The following CTSF variants were observed in gnomAD, a reference collection of about 807,000 sequenced individuals.
CTSF encodes cathepsin F.
CTSF carries 65 observed loss-of-function variants against 63.5 expected under a neutral mutation model. That is an observed-to-expected ratio of 1.02 (90% CI 0.84 to 1.26). The LOEUF (loss-of-function observed/expected upper bound fraction) is 1.26, where lower values mean the gene tolerates loss of function less well. CTSF is among the 50% of genes most tolerant of loss of function. The probability of loss-of-function intolerance (pLI) is 0.00; values close to 1 mark genes in which losing one functional copy is unlikely to be tolerated. For synonymous variants in CTSF, 256 were observed against 258.1 expected, an observed-to-expected ratio of 0.99 and a Z score of 0.08; for missense variants, 641 against 631.0, an observed-to-expected ratio of 1.02 and a Z score of -0.17.
At position 66,564,558 on chromosome 11, in the gene CTSF, G is replaced by A. The variant is rs150922871; in HGVS notation, c.1321C>T (p.Arg441Cys). 1,313 of 1,553,022 alleles carry A rather than the reference G, an allele frequency of 8.5e-4. 11 individuals carry two copies. Among genetic ancestry groups the A allele is most frequent in the East Asian group, 3.9e-4 (16 of 41,460 alleles). The change falls in exon 11 of 13, where the codon CGC becomes TGC. Residue 441 changes from arginine (R) to cysteine (C), a missense_variant and splice_region_variant. By Grantham distance (180) the Arg-to-Cys change is radical. Transcript: ENST00000310325. ...HAVLLVGYGN[R>C]SDVPFWAIKN... ...ATGCAGGACAGGCAGCGGAACTCAC[G>A]GTTGCCGTAGCCCACAAGCAACACC... is the stretch of plus-strand genomic sequence containing the variant.
intron 4 of CTSF, 69 bp downstream of exon 4, chr11:66,567,177 C>A (rs746323314): frequency 5.9e-5 from 89 of 1,514,618 alleles, no homozygotes; most frequent in Admixed American, 3.3e-4. Context: ...CTCCCACACA[C>A]CAAGGTGCCA....
At position 66,568,350 on chromosome 11, in the gene CTSF, G is replaced by A; in HGVS notation, c.137C>T (p.Ala46Val). The A allele has an allele frequency of 7.6e-7, 1 of 1,307,492 alleles. No individual in the cohort carries two copies. The highest frequency in any genetic ancestry group is 1.5e-5 in the African/African-American group (1 of 64,598). 81.0% of individuals were successfully genotyped at this position (1,307,492 alleles called of 1,614,324 possible). A position where few individuals can be genotyped will look rare whatever the true frequency, so the allele number is the denominator to read the frequency against. The stretch of plus-strand genomic sequence containing the variant: ...CCGGCCGCGGTTGAACATCTCCAGC[G>A]CGAAGCGGGTGGGCGCCAGCAGCTC... ...SPELLAPTRF[A>V]LEMFNRGRAA... The change falls in exon 1 of 13, where the codon GCG becomes GTG. Residue 46 changes from alanine (A) to valine (V), a missense_variant. Physicochemically the swap from Ala to Val is moderately conservative, Grantham distance 64 (BLOSUM62 0). Coordinates refer to ENST00000310325, the MANE Select transcript of CTSF (RefSeq NM_003793.4).
At chr11:66,568,208 A>G in intron 1 of CTSF, 66 bp downstream of exon 1, 1 of 1,526,050 alleles carries the variant, frequency 6.6e-7, no homozygotes, top group Non-Finnish European at 8.8e-7. Context: ...CCCCATCCCA[A>G]TGTTAGGTCA....
intron 8 of CTSF, 24 bp from the exon 9 acceptor site, chr11:66,565,030 G>C (rs1303676797): frequency 1.3e-6 from 2 of 1,529,186 alleles, no homozygotes; most frequent in East Asian, 2.3e-5. Context: ...GGGGTGAGTA[G>C]AGAAGGGCAG....
chr11:66,564,027 G>T lies in CTSF; in HGVS notation c.1381-20C>A. On this transcript the variant is annotated intron_variant, in intron 12 of 12. Transcript: ENST00000310325. ...GTAACCCTGGGGGAGAGGGGGAGCT[G>T]GTGAGGGCACCAGGGTAGGATGGCG... 1 of 1,613,944 alleles carries T rather than the reference G, an allele frequency of 6.2e-7. No homozygotes were observed. Among genetic ancestry groups the T allele is most frequent in the East Asian group, 2.2e-5 (1 of 44,870 alleles).
Position 66,564,787 on chromosome 11 carries a change from G to A in CTSF, c.1185C>T (p.Ala395=). 1 of 1,614,050 alleles carries A rather than the reference G, an allele frequency of 6.2e-7. No individual in the cohort carries two copies. The highest frequency in any genetic ancestry group is 8.5e-7 in the Non-Finnish European group (1 of 1,180,020). Residue 395 remains alanine, a synonymous_variant, in exon 10 of 13, where the codon GCC becomes GCT. Transcript: ENST00000310325. ...QNEQKLAAWL[A]KRGPISVAIN... ...TGGCCACGGAGATTGGGCCTCTCTTGGCCAGCCAGGCTGCCAGCTCTGAGA... is the reference window on the plus strand; with the variant it reads ...TGGCCACGGAGATTGGGCCTCTCTTAGCCAGCCAGGCTGCCAGCTCTGAGA...
Position 66,564,990 on chromosome 11 carries a change from C to T in CTSF, c.1062G>A (p.Glu354=). The T allele has an allele frequency of 3.2e-6, 5 of 1,573,218 alleles. No homozygotes were observed. The highest frequency in any genetic ancestry group is 4.3e-6 in the Non-Finnish European group (5 of 1,155,788). Residue 354 remains glutamate, a synonymous_variant, in exon 9 of 13, where the codon GAG becomes GAA. Coordinates refer to ENST00000310325, the MANE Select transcript of CTSF (RefSeq NM_003793.4). The part of the protein sequence containing the change: ...AIKNLGGLET[E]DDYSYQGHMQ... ...TGTGACCCTGGTAGCTGTAGTCATC[C>T]TCTGTCTCCAGCCCTCCTGGGGAAC...
At chr11:66,565,615 T>C in intron 8 of CTSF, 56 bp downstream of exon 8, 1 of 1,607,090 alleles carries the variant, frequency 6.2e-7, no homozygotes, top group Non-Finnish European at 8.5e-7. Flanking sequence ...ATGAAGTAAC[T>C]TCTTGTACAG....
At position 66,564,908 on chromosome 11, in the gene CTSF, C is replaced by T; in HGVS notation, c.1144G>A (p.Glu382Lys). Reference protein sequence around the residue: ...KAKVYINDSVELSQNEQKLAA... With the variant: ...KAKVYINDSVKLSQNEQKLAA... ...TCACTCTGCTCGTTCTGGCTCAGCT[C>T]CACGGAGTCATTGATGTAGACCTTG... Residue 382 changes from glutamate (E) to lysine (K), a missense_variant, in exon 9 of 13, where the codon GAG (glutamate) becomes AAG (lysine). Coordinates refer to ENST00000310325, the MANE Select transcript of CTSF (RefSeq NM_003793.4). 6.2e-7 allele frequency: 1 copy of T among 1,611,184 alleles called. No homozygotes were observed. The highest frequency in any genetic ancestry group is 1.3e-5 in the African/African-American group (1 of 74,984).
At chr11:66,564,521 T>C (rs1274747403) in intron 11 of CTSF, 37 bp downstream of exon 11, 1 of 1,496,012 alleles carries the variant, frequency 6.7e-7, no homozygotes, top group Non-Finnish European at 9.0e-7. Context: ...CCCCTGCCTG[T>C]GGCCTGGCTG....
At position 66,565,849 on chromosome 11, in the gene CTSF, G is replaced by C; in HGVS notation, c.946C>G (p.Leu316Val). 6.2e-7 allele frequency: 1 copy of C among 1,614,010 alleles called. No homozygotes were observed. Residue 316 changes from leucine (L) to valine (V), a missense_variant, in exon 7 of 13, where the codon CTC becomes GTC. By Grantham distance (32) the Leu-to-Val change is conservative. Transcript: ENST00000310325. ...TGCTCACCCTGTTCAGAGAGGGAGAGCAGGGTCCCCTGGTTGAGAAACCAC... is the reference window on the plus strand; with the variant it reads ...TGCTCACCCTGTTCAGAGAGGGAGACCAGGGTCCCCTGGTTGAGAAACCAC... ...GQWFLNQGTL[L>V]SLSEQELLDC...
At position 66,565,691 on chromosome 11, in the gene CTSF, T is replaced by C; in HGVS notation, c.1025A>G (p.Tyr342Cys). ...ACMGGLPSNA[Y>C]SAIKNLGGLE... ...CATACCCAAATTCTTTATGGCCGAG[T>C]AGGCATTGGAGGGCAAGCCGCCCAT... Residue 342 changes from tyrosine to cysteine, a missense_variant, in exon 8 of 13, where the codon TAC (tyrosine) becomes TGC (cysteine). Transcript: ENST00000310325. 2 of 1,613,544 alleles carry C rather than the reference T, an allele frequency of 1.2e-6. No individual in the cohort carries two copies. Among genetic ancestry groups the C allele is most frequent in the Non-Finnish European group, 1.7e-6 (2 of 1,180,032 alleles).
intron 5 of CTSF, 21 bp from the exon 6 acceptor site, chr11:66,566,188 G>A (rs1857927953): frequency 1.9e-6 from 3 of 1,613,950 alleles, no homozygotes; most frequent in Non-Finnish European, 2.5e-6. Context: ...AGGTGGGCAG[G>A]GCATGGGGAG....
chr11:66,567,763 C>A (rs1040193225), intron 2 of CTSF, 101 bp from the exon 3 acceptor site: 2 of 1,482,970 alleles, frequency 1.3e-6, no homozygotes, highest in East Asian at 2.3e-5. Context: ...GAGAGCCACC[C>A]CTAAGGCAAT....
chr11:66,567,591 G>A lies in CTSF; in HGVS notation c.384C>T (p.Asp128=), dbSNP rs747173740. 1 of 1,614,210 alleles carries A rather than the reference G, an allele frequency of 6.2e-7. No individual in the cohort carries two copies. The highest frequency in any genetic ancestry group is 1.3e-5 in the African/African-American group (1 of 75,054). ...VLLRKDCGPV[D]TKVPGAGEPK... is the part of the protein sequence containing the mutation. The stretch of plus-strand genomic sequence containing the variant: ...GCTCCCCAGCACCTGGAACCTTGGT[G>A]TCCACTGGGCCACAGTCCTTCCGCA... The change falls in exon 3 of 13, where the codon GAC becomes GAT. Residue 128 remains aspartate, a synonymous_variant. Transcript: ENST00000310325.
chr11:66,568,565 C>A lies in CTSF; in HGVS notation c.-79G>T, dbSNP rs968022696. The A allele has an allele frequency of 3.5e-6, 5 of 1,413,880 alleles. No individual in the cohort carries two copies. In the South Asian group the frequency reaches 4.1e-5, roughly 12 times the overall value. The allele number at this position is 1,413,880 out of a possible 1,614,324, so 87.6% of individuals were successfully genotyped here. On this transcript the variant is annotated 5_prime_UTR_variant, in exon 1 of 13. Coordinates refer to ENST00000310325, the MANE Select transcript of CTSF (RefSeq NM_003793.4). ...GGTACCGAGCCCGCGGCCAGCGGGGCCTGAGTCCTCCCTCCAGCGGGGCGA... is the reference window on the plus strand; with the variant it reads ...GGTACCGAGCCCGCGGCCAGCGGGGACTGAGTCCTCCCTCCAGCGGGGCGA...
In CTSF at chr11:66,567,706, T is replaced by A. The variant is rs760392605; in HGVS notation, c.313-44A>T. On this transcript the variant is annotated intron_variant, in intron 2 of 12. Coordinates refer to ENST00000310325, the MANE Select transcript of CTSF (RefSeq NM_003793.4). ...GCTGCTCTGGGGGCCTGGATCTGGA[T>A]CTGGGGAGCAAGATCTGGCCAAGAT... 4.4e-6 allele frequency: 7 copies of A among 1,584,414 alleles called. 1 individual carries two copies. In the East Asian group the frequency reaches 1.6e-4, roughly 35 times the overall value.
At chr11:66,567,409 C>G in intron 3 of CTSF, 35 bp downstream of exon 3, 1 of 1,602,002 alleles carries the variant, frequency 6.2e-7, no homozygotes, top group South Asian at 1.1e-5. Flanking sequence ...GCTGGCTCCT[C>G]AAGCTGAGGG....
rs781437703 is a variant in CTSF, at chr11:66,564,085, C to G, written c.1380+3G>C. The G allele has an allele frequency of 6.2e-7, 1 of 1,613,718 alleles. No homozygotes were observed. Among genetic ancestry groups the G allele is most frequent in the Non-Finnish European group, 8.5e-7 (1 of 1,179,890 alleles). On this transcript the variant is annotated splice_donor_region_variant and intron_variant, in intron 12 of 12. Transcript: ENST00000310325. The stretch of plus-strand genomic sequence containing the variant: ...GGCCAGGGGCCAAGCCAGCAAGACT[C>G]ACCTTCTCACCCCAGTCAGTGCCCC...
Sources: gnomAD v4.1 joint callset for allele counts on GRCh38, gnomAD v4.1.1 for gene constraint, MANE v1.5 for transcripts, NCBI Gene and HGNC (gene_info 2026-07-23, HGNC 2026-07-21) for gene names.